CAMSAP1: variants seen among roughly 807,000 people sequenced by gnomAD.
CAMSAP1 encodes the protein calmodulin-regulated spectrin-associated protein 1.
Under a neutral mutation model 143.5 loss-of-function variants are expected in CAMSAP1, and 58 were observed. That is an observed-to-expected ratio of 0.40 (90% CI 0.33 to 0.50). The LOEUF is 0.50. CAMSAP1 is among the 20% of genes least tolerant of loss of function. CAMSAP1 has a pLI of 0.45. For missense variants in CAMSAP1, 1,969 were observed against 2,115.7 expected, an observed-to-expected ratio of 0.93 and a Z score of 1.36; for synonymous variants, 945 against 859.3, an observed-to-expected ratio of 1.10 and a Z score of -1.74.
chr9:135,839,539 T>C (rs954204774), intron 7 of CAMSAP1, among the ~76,000 whole-genome samples: 7 of 151,944 alleles, frequency 4.6e-5, no homozygotes, highest in Non-Finnish European at 1.0e-4. Context: ...CAATGCAAGA[T>C]CCCGGGACTG....
chr9:135,855,103 T>C (rs1384663810), intron 5 of CAMSAP1, among the ~76,000 whole-genome samples: 1 of 152,122 alleles, frequency 6.6e-6, no homozygotes, highest in Non-Finnish European at 1.5e-5. Context: ...GCAATTTTCC[T>C]GCCTGAGCCT....
At chr9:135,831,322 G>C (rs1316122549) in intron 7 of CAMSAP1, among the ~76,000 whole-genome samples, 1 of 152,042 alleles carries the variant, frequency 6.6e-6, no homozygotes, top group Non-Finnish European at 1.5e-5. Context: ...ACCAAAACTT[G>C]CATGATGCAG....
At position 135,820,010 on chromosome 9, in the gene CAMSAP1, C is replaced by T. The variant is rs967024120; in HGVS notation, c.3822+829G>A. Among the ~76,000 whole-genome samples the T allele has an allele frequency of 4.6e-5, 7 of 152,294 alleles. No homozygotes were observed. The highest frequency in any genetic ancestry group is 1.9e-4 in the East Asian group (1 of 5,186). ...CCTGGAGGCAAAGCAGAAACAGTTG[C>T]GTGTCGCTTGCCGAGAGAAAACGTT... On this transcript the variant is annotated intron_variant, in intron 11 of 16. Coordinates refer to ENST00000389532, the MANE Select transcript of CAMSAP1 (RefSeq NM_015447.4). This position sits in a 1 kb window ranked among gnomAD's most constrained non-coding sequence, Gnocchi z 4.4.
intron 1 of CAMSAP1, among the ~76,000 whole-genome samples, chr9:135,886,256 A>C (rs1455831783): frequency 6.6e-6 from 1 of 152,206 alleles, no homozygotes; most frequent in Non-Finnish European, 1.5e-5. Flanking sequence ...TCTCAGGCTG[A>C]GCCTCGTAAG....
At chr9:135,879,951 GT>G in intron 3 of CAMSAP1, among the ~76,000 whole-genome samples, 1 of 151,986 alleles carries the variant, frequency 6.6e-6, no homozygotes, top group Middle Eastern at 3.4e-3. Context: ...TCCCCACTGT[GT>G]TGTAGGCCTA....
At chr9:135,840,954 T>C (rs901670929) in intron 7 of CAMSAP1, among the ~76,000 whole-genome samples, 1 of 151,062 alleles carries the variant, frequency 6.6e-6, no homozygotes, top group South Asian at 2.1e-4. Context: ...GTTGCAGGAG[T>C]TTTTTTTCAT....
intron 7 of CAMSAP1, among the ~76,000 whole-genome samples, chr9:135,841,377 C>T (rs1836343565): frequency 6.6e-6 from 1 of 152,240 alleles, no homozygotes; most frequent in African/African-American, 2.4e-5. Context: ...AAACTCCCAT[C>T]TCCCTGGGAC....
chr9:135,811,241 C>T lies in CAMSAP1; in HGVS notation c.*68G>A. 6.6e-7 allele frequency: 1 copy of T among 1,516,706 alleles called. No homozygotes were observed. The highest frequency in any genetic ancestry group is 8.9e-7 in the Non-Finnish European group (1 of 1,119,608). 94.0% of individuals were successfully genotyped at this position (1,516,706 alleles called of 1,614,324 possible). A position where few individuals can be genotyped will look rare whatever the true frequency, so the allele number is the denominator to read the frequency against. On this transcript the variant is annotated 3_prime_UTR_variant, in exon 17 of 17. Coordinates refer to ENST00000389532, the MANE Select transcript of CAMSAP1 (RefSeq NM_015447.4). This position sits in a 1 kb window ranked among gnomAD's most constrained non-coding sequence, Gnocchi z 4.9. ...ATAAATAAGGACCCCGTGGCACCCT[C>T]TGGATGCCAGCCACAAGGGCATCAT...
At chr9:135,893,220 A>G (rs1486067341) in intron 1 of CAMSAP1, among the ~76,000 whole-genome samples, 2 of 151,734 alleles carry the variant, frequency 1.3e-5, no homozygotes, top group Non-Finnish European at 2.9e-5. Flanking sequence ...GGACAGTGAA[A>G]GAAGAAAAGG....
intron 3 of CAMSAP1, among the ~76,000 whole-genome samples, chr9:135,868,450 G>GT (rs113856300): frequency 0.14 from 21,119 of 150,402 alleles, 1,645 homozygotes; most frequent in Non-Finnish European, 0.17. Flanking sequence ...AGTGTTTTTT[G>GT]TTTTTTTTTA....
Position 135,820,746 on chromosome 9 carries a change from C to G in CAMSAP1, c.3822+93G>C. 2 of 1,496,092 alleles carry G rather than the reference C, an allele frequency of 1.3e-6. No individual in the cohort carries two copies. The allele number at this position is 1,496,092 out of a possible 1,614,324, so 92.7% of individuals were successfully genotyped here. A position where few individuals can be genotyped will look rare whatever the true frequency, so the allele number is the denominator to read the frequency against. ...CCTGGCCTCTTACAGGAGCGGCTGG[C>G]CAGCCTGGTGCAGATCTGTGTTCTC... On this transcript the variant is annotated intron_variant, in intron 11 of 16. Coordinates refer to ENST00000389532, the MANE Select transcript of CAMSAP1 (RefSeq NM_015447.4). This position sits in a 1 kb window ranked among gnomAD's most constrained non-coding sequence, Gnocchi z 4.4.
rs749209361 is a variant in CAMSAP1, at chr9:135,821,233, C to A, written c.3428G>T (p.Arg1143Leu). ...GTCCAGGCCAGGGTCCGTGGGCGTCCGAGGGTGGCTGCTGGCAGGGAAGGG... is the reference window on the plus strand; with the variant it reads ...GTCCAGGCCAGGGTCCGTGGGCGTCAGAGGGTGGCTGCTGGCAGGGAAGGG... ...LRPFPASSHP[R>L]TPTDPGLDSA... The change falls in exon 11 of 17, where the codon CGG becomes CTG. Residue 1143 changes from arginine (R) to leucine (L), a missense_variant. By Grantham distance (102) the Arg-to-Leu change is moderately radical. Around this residue, in one of 4 missense-constraint regions of CAMSAP1, gnomAD observed 1,390 missense variants for 1,420.8 expected, o/e 0.98. Transcript: ENST00000389532. This position sits in a 1 kb window ranked among gnomAD's most constrained non-coding sequence, Gnocchi z 4.6. 3 of 1,608,122 alleles carry A rather than the reference C, an allele frequency of 1.9e-6. No individual in the cohort carries two copies. Among genetic ancestry groups the A allele is most frequent in the South Asian group, 1.1e-5 (1 of 91,074 alleles).
chr9:135,907,065 T>C lies in CAMSAP1; in HGVS notation c.95A>G (p.Tyr32Cys). ...GGCGATCTTGGCGCGCGCCGCGTCG[T>C]AGCGGTCCAGGGGCACGAGGTCGGC... ...GAADLVPLDR[Y>C]DAARAKIAAN... Residue 32 changes from tyrosine (Y) to cysteine (C), a missense_variant, in exon 1 of 17, where the codon TAC (tyrosine) becomes TGC (cysteine). Around this residue, in one of 4 missense-constraint regions of CAMSAP1, gnomAD observed 215 missense variants for 196.2 expected, o/e 1.10. Coordinates refer to ENST00000389532, the MANE Select transcript of CAMSAP1 (RefSeq NM_015447.4). 8.3e-7 allele frequency: 1 copy of C among 1,203,118 alleles called. No individual in the cohort carries two copies. Among genetic ancestry groups the C allele is most frequent in the Non-Finnish European group, 1.0e-6 (1 of 957,752 alleles). 74.5% of individuals were successfully genotyped at this position (1,203,118 alleles called of 1,614,324 possible).
chr9:135,832,708 A>G (rs985691633), intron 7 of CAMSAP1, among the ~76,000 whole-genome samples: 1 of 152,254 alleles, frequency 6.6e-6, no homozygotes, highest in African/African-American at 2.4e-5. Flanking sequence ...TACAAAATCA[A>G]CATGAAAAAA....
In CAMSAP1 at chr9:135,811,969, T is replaced by C. The variant is rs1023455798; in HGVS notation, c.4507-358A>G. On this transcript the variant is annotated intron_variant, in intron 16 of 16. Transcript: ENST00000389532. This position sits in a 1 kb window ranked among gnomAD's most constrained non-coding sequence, Gnocchi z 4.9. ...AACCCAGAAGCAGGGCGGTAACGAG[T>C]GCTGGCGAGCCATGGGGCTCTTTCA... Among the ~76,000 whole-genome samples, 5 of 151,762 alleles carry C rather than the reference T, an allele frequency of 3.3e-5. No individual in the cohort carries two copies. The highest frequency in any genetic ancestry group is 2.6e-4 in the Admixed American group (4 of 15,242).
chr9:135,847,494 C>T (rs1209016893), intron 7 of CAMSAP1, among the ~76,000 whole-genome samples: 1 of 151,958 alleles, frequency 6.6e-6, no homozygotes, highest in East Asian at 2.0e-4. Context: ...AAATGTGGCA[C>T]ATATACACCA....
chr9:135,905,592 A>G (rs1223547028), intron 1 of CAMSAP1, among the ~76,000 whole-genome samples: 1 of 152,240 alleles, frequency 6.6e-6, no homozygotes, highest in Non-Finnish European at 1.5e-5. Flanking sequence ...AGCAGCGGAA[A>G]TGTGGAAAAG....
chr9:135,835,927 G>C (rs1261578159), intron 7 of CAMSAP1, among the ~76,000 whole-genome samples: 5 of 152,120 alleles, frequency 3.3e-5, no homozygotes, highest in African/African-American at 1.2e-4. Flanking sequence ...CTGCAGTGAG[G>C]TGAGATTGTG....
chr9:135,900,346 C>T (rs927660094), intron 1 of CAMSAP1, among the ~76,000 whole-genome samples: 1 of 151,954 alleles, frequency 6.6e-6, no homozygotes, highest in Non-Finnish European at 1.5e-5. Flanking sequence ...TTAATTTTGA[C>T]TAGTTGAGTT....
Sources: gnomAD v4.1 joint callset for allele counts (sites outside exome capture counted in the v4.1 genomes callset) on GRCh38, gnomAD v4.1.1 for gene constraint, gnomAD v4.1.1 regional missense constraint, Gnocchi (gnomAD v3.1) non-coding constraint, MANE v1.5 for transcripts, NCBI Gene and HGNC (gene_info 2026-07-23, HGNC 2026-07-21) for gene names.